KCNJ6: variants seen among roughly 807,000 people sequenced by gnomAD.
The protein encoded by KCNJ6 is potassium inwardly rectifying channel subfamily J member 6.
Under a neutral mutation model 34.2 loss-of-function variants are expected in KCNJ6, and 9 were observed. That is an observed-to-expected ratio of 0.26 (90% CI 0.16 to 0.46). The LOEUF (loss-of-function observed/expected upper bound fraction) is 0.46, where lower values mean the gene tolerates loss of function less well. Ranked by LOEUF, KCNJ6 falls within the 20% of genes least tolerant of loss-of-function variation. KCNJ6 has a pLI of 1.00. For missense variants in KCNJ6, 236 were observed against 531.3 expected, an observed-to-expected ratio of 0.44 and a Z score of 5.46; for synonymous variants, 196 against 207.1, an observed-to-expected ratio of 0.95 and a Z score of 0.46.
chr21:37,680,252 G>A (rs2054584732), intron 3 of KCNJ6, among the ~76,000 whole-genome samples: 1 of 152,124 alleles, frequency 6.6e-6, no homozygotes, highest in Admixed American at 6.5e-5. Flanking sequence ...AATTCCTGAG[G>A]AAGAAAGCCC....
In KCNJ6 at chr21:37,714,502, A is replaced by G; in HGVS notation, c.655T>C (p.Cys219Arg). The change falls in exon 3 of 4, where the codon TGC (cysteine) becomes CGC (arginine). Residue 219 changes from cysteine to arginine, a missense_variant. Physicochemically the swap from Cys to Arg is radical, Grantham distance 180 (BLOSUM62 -3). Around this residue, in one of 5 missense-constraint regions of KCNJ6, gnomAD observed 60 missense variants for 207.3 expected, o/e 0.29. Coordinates refer to ENST00000609713, the MANE Select transcript of KCNJ6 (RefSeq NM_002240.5). The surrounding 1 kb of genome is among the most constrained non-coding windows in gnomAD (Gnocchi z 5.9). ...AGGTCCCCTACCCGGAACATCAGGC[A>G]CAGTTTCCCATCCCGCATGGAGATC... ...AVISMRDGKL[C>R]LMFRVGDLRN... The G allele has an allele frequency of 6.2e-7, 1 of 1,614,182 alleles. No individual in the cohort carries two copies. The highest frequency in any genetic ancestry group is 8.5e-7 in the Non-Finnish European group (1 of 1,180,034).
chr21:37,621,673 G>C lies in KCNJ6; in HGVS notation c.*3486C>G, dbSNP rs1056795443. On this transcript the variant is annotated 3_prime_UTR_variant, in exon 4 of 4. Transcript: ENST00000609713. ...CATTTGCAGCTGGATTTCTGTTAGG[G>C]AACATAAGGTACTGAACTAAAACAA... 1 of 152,170 alleles carries C rather than the reference G, an allele frequency of 6.6e-6. No homozygotes were observed. The highest frequency in any genetic ancestry group is 1.5e-5 in the Non-Finnish European group (1 of 68,036). The allele number at this position is 152,170 out of a possible 1,614,324, so 9.4% of individuals were successfully genotyped here.
At chr21:37,868,660 C>G (rs1032399028) in intron 1 of KCNJ6, among the ~76,000 whole-genome samples, 9 of 152,160 alleles carry the variant, frequency 5.9e-5, no homozygotes, top group Non-Finnish European at 1.3e-4. Flanking sequence ...GTCGGAAAAT[C>G]AGAGGACTAA....
At chr21:37,842,129 T>C (rs1248698608) in intron 1 of KCNJ6, among the ~76,000 whole-genome samples, 1 of 152,256 alleles carries the variant, frequency 6.6e-6, no homozygotes, top group Non-Finnish European at 1.5e-5. Context: ...CTTGTTATTT[T>C]ACACTGTTGT....
chr21:37,891,134 G>A (rs1033850318), intron 1 of KCNJ6, among the ~76,000 whole-genome samples: 7 of 152,076 alleles, frequency 4.6e-5, no homozygotes, highest in African/African-American at 4.8e-5. Flanking sequence ...CATAGGGGAC[G>A]GGCTTTCCTC....
chr21:37,723,890 G>A (rs1052314285), intron 2 of KCNJ6, among the ~76,000 whole-genome samples: 10 of 151,592 alleles, frequency 6.6e-5, no homozygotes, highest in African/African-American at 1.7e-4. Flanking sequence ...TCCTGCACAC[G>A]TACTCCTTGA....
intron 2 of KCNJ6, chr21:37,719,580 T>C (rs2054813492): frequency 6.6e-6 from 1 of 152,226 alleles, no homozygotes; most frequent in Non-Finnish European, 1.5e-5. Flanking sequence ...CTGAGAACTT[T>C]GATGATTTAC....
chr21:37,798,934 T>C (rs1347568588), intron 2 of KCNJ6, among the ~76,000 whole-genome samples: 1 of 152,228 alleles, frequency 6.6e-6, no homozygotes, highest in East Asian at 1.9e-4. Flanking sequence ...TTTTAACTTT[T>C]AAATTCAAGG....
intron 2 of KCNJ6, among the ~76,000 whole-genome samples, chr21:37,840,251 A>G (rs2055473696): frequency 6.6e-6 from 1 of 152,234 alleles, no homozygotes; most frequent in South Asian, 2.1e-4. Context: ...CGACACCTGA[A>G]AGGTTTAACA....
chr21:37,681,894 G>A (rs971627395), intron 3 of KCNJ6, among the ~76,000 whole-genome samples: 6 of 152,182 alleles, frequency 3.9e-5, no homozygotes, highest in Admixed American at 6.5e-5. Context: ...GTAATTTGAG[G>A]TCAGGGTGTG....
chr21:37,704,876 C>T (rs1298379011), intron 3 of KCNJ6, among the ~76,000 whole-genome samples: 1 of 151,872 alleles, frequency 6.6e-6, no homozygotes, highest in Non-Finnish European at 1.5e-5. Context: ...GCTGGCCGCA[C>T]TTTGGGTTAC....
chr21:37,721,285 G>T (rs890785603), intron 2 of KCNJ6, among the ~76,000 whole-genome samples: 3 of 152,170 alleles, frequency 2.0e-5, no homozygotes, highest in Non-Finnish European at 2.9e-5. Flanking sequence ...GCAAGTGTTG[G>T]CAGGATGTAG....
intron 1 of KCNJ6, among the ~76,000 whole-genome samples, chr21:37,843,035 G>A (rs1419617517): frequency 6.6e-6 from 1 of 152,022 alleles, no homozygotes; most frequent in African/African-American, 2.4e-5. Flanking sequence ...TCTTCAGCTT[G>A]ACCCTCCTCT....
At chr21:37,631,762 A>T (rs2054334578) in intron 3 of KCNJ6, among the ~76,000 whole-genome samples, 1 of 152,158 alleles carries the variant, frequency 6.6e-6, no homozygotes, top group Admixed American at 6.5e-5. Context: ...GACCAGGAAA[A>T]GGTGCTGCTG....
rs767337040 is a variant in KCNJ6 at position 37,608,720 on chromosome 21, A to G, written c.*16439T>C. On this transcript the variant is annotated 3_prime_UTR_variant, in exon 4 of 4. Coordinates refer to ENST00000609713, the MANE Select transcript of KCNJ6 (RefSeq NM_002240.5). ...GATGCACTTAGCGCAGTGTTGTTGC[A>G]TGGTAAGGGCTGGCAGCCATGGGAT... 1.3e-5 allele frequency: 2 copies of G among 152,216 alleles called. No homozygotes were observed. Among genetic ancestry groups the G allele is most frequent in the Non-Finnish European group, 2.9e-5 (2 of 68,038 alleles). The allele number at this position is 152,216 out of a possible 1,614,324, so 9.4% of individuals were successfully genotyped here. A position where few individuals can be genotyped will look rare whatever the true frequency, so the allele number is the denominator to read the frequency against.
rs1453877826 is a variant in KCNJ6 at position 37,780,882 on chromosome 21, T to TAAAATA, written c.25+59770_25+59775dup. ...CTGTATACCCACAAACATTAAAAATTAAAATAAAAATATAAAGTTTATTAA... is the reference window on the plus strand; with the variant it reads ...CTGTATACCCACAAACATTAAAAATTAAAATAAAAATAAAAATATAAAGTTTATTAA... On this transcript the variant is annotated intron_variant, in intron 2 of 3. Coordinates refer to ENST00000609713, the MANE Select transcript of KCNJ6 (RefSeq NM_002240.5). Among the ~76,000 whole-genome samples, 6 of 152,100 alleles carry TAAAATA rather than the reference T, an allele frequency of 3.9e-5. No individual in the cohort carries two copies. The East Asian group carries it at 9.6e-4, about 24-fold the overall frequency.
At chr21:37,843,098 C>G (rs1195693544) in intron 1 of KCNJ6, among the ~76,000 whole-genome samples, 1 of 152,142 alleles carries the variant, frequency 6.6e-6, no homozygotes, top group South Asian at 2.1e-4. Context: ...CGTCCAGATT[C>G]CAGGCATTAC....
At chr21:37,909,821 A>T (rs2055858817) in intron 1 of KCNJ6, among the ~76,000 whole-genome samples, 1 of 152,212 alleles carries the variant, frequency 6.6e-6, no homozygotes, top group Non-Finnish European at 1.5e-5. Context: ...AGTGGATTAT[A>T]TTATTGCCTC....
chr21:37,875,450 G>A (rs566131478), intron 1 of KCNJ6, among the ~76,000 whole-genome samples: 1 of 152,216 alleles, frequency 6.6e-6, no homozygotes, highest in East Asian at 1.9e-4. Flanking sequence ...AGAGCCAGAG[G>A]TGGGGACAGA....
Sources: gnomAD v4.1 joint callset for allele counts (sites outside exome capture counted in the v4.1 genomes callset) on GRCh38, gnomAD v4.1.1 for gene constraint, gnomAD v4.1.1 regional missense constraint, Gnocchi (gnomAD v3.1) non-coding constraint, MANE v1.5 for transcripts, NCBI Gene and HGNC (gene_info 2026-07-23, HGNC 2026-07-21) for gene names.